The following PRRC2B variants were observed in gnomAD, a reference collection of about 807,000 sequenced individuals.
PRRC2B encodes the protein proline rich coiled-coil 2B.
A neutral mutation model predicts 242.3 loss-of-function variants in PRRC2B; 68 were observed. The observed-to-expected ratio is 0.28, with a 90% CI of 0.23 to 0.34. PRRC2B has a LOEUF of 0.34. PRRC2B is among the 10% of genes least tolerant of loss of function. The pLI, the probability that PRRC2B is intolerant of heterozygous loss-of-function variation, is 1.00. For missense variants in PRRC2B, 2,835 were observed against 2,954.8 expected (o/e 0.96, Z 0.94); for synonymous variants, 1,228 against 1,173.6 (o/e 1.05, Z -0.95).
intron 22 of PRRC2B, among the ~76,000 whole-genome samples, 181 bp from the exon 23 acceptor site, chr9:131,483,178 C>G (rs1178989059): frequency 1.3e-5 from 2 of 152,190 alleles, no homozygotes; most frequent in Admixed American, 6.5e-5. Flanking sequence ...AGAAGTGAGG[C>G]TGGCGTCCTG....
At chr9:131,438,082 C>T (rs1838433388) in intron 4 of PRRC2B, among the ~76,000 whole-genome samples, 1 of 152,180 alleles carries the variant, frequency 6.6e-6, no homozygotes, top group African/African-American at 2.4e-5. Flanking sequence ...ATGTGAGGGG[C>T]AGGTAAGAAG....
chr9:131,414,577 T>G (rs1330382948), intron 1 of PRRC2B, among the ~76,000 whole-genome samples: 1 of 149,870 alleles, frequency 6.7e-6, no homozygotes, highest in Non-Finnish European at 1.5e-5. Flanking sequence ...CTTGGGCTTT[T>G]TTTTTTTTTG....
intron 1 of PRRC2B, among the ~76,000 whole-genome samples, chr9:131,421,290 A>G (rs1346264545): frequency 6.6e-6 from 1 of 152,216 alleles, no homozygotes; most frequent in Non-Finnish European, 1.5e-5. Context: ...GAGTATTTGA[A>G]GTAGGTGAGG....
At position 131,476,285 on chromosome 9, in the gene PRRC2B, C is replaced by T. The variant is rs1345202148; in HGVS notation, c.4156C>T (p.Arg1386Trp). The T allele has an allele frequency of 9.5e-6, 15 of 1,583,614 alleles. No homozygotes were observed. Among genetic ancestry groups the T allele is most frequent in the South Asian group, 1.1e-5 (1 of 87,642 alleles). Residue 1386 changes from arginine (R) to tryptophan (W), a missense_variant, in exon 16 of 32, where the codon CGG (arginine) becomes TGG (tryptophan). Transcript: ENST00000683519. ...CTCCGAAAGCAGCGACTTCAGCGAG[C>T]GGCGGGAGCGGCGGGAAGGCCCTGG... ...TASESSDFSE[R>W]RERREGPGSE...
chr9:131,430,201 G>C lies in PRRC2B; in HGVS notation c.57G>C (p.Ser19=), dbSNP rs761892321. The change falls in exon 2 of 32, where the codon TCG becomes TCC. Residue 19 remains serine (S), a synonymous_variant. Coordinates refer to ENST00000683519, the MANE Select transcript of PRRC2B (RefSeq NM_013318.4). ...GCAAGGATGGGAAAAGCAAGTACTC[G>C]ACTCTCAGCCTGTTTGATAAGTATA... ...TKGKDGKSKY[S]TLSLFDKYKG... 1.2e-6 allele frequency: 2 copies of C among 1,608,144 alleles called. No homozygotes were observed. The highest frequency in any genetic ancestry group is 1.7e-5 in the Admixed American group (1 of 59,222).
upstream of PRRC2B, chr9:131,394,028 G>C (rs1408610400): frequency 1.3e-5 from 2 of 150,446 alleles, no homozygotes; most frequent in Non-Finnish European, 3.0e-5. Flanking sequence ...AGGAGGACGA[G>C]GAGGCGGGGG....
intron 6 of PRRC2B, among the ~76,000 whole-genome samples, chr9:131,445,368 A>G (rs1195360374): frequency 6.6e-6 from 1 of 152,136 alleles, no homozygotes; most frequent in African/African-American, 2.4e-5. Flanking sequence ...CATGTTGGTC[A>G]GGCTGGCCTT....
At chr9:131,436,573 A>G in intron 3 of PRRC2B, 47 bp from the exon 4 acceptor site, 1 of 1,491,314 alleles carries the variant, frequency 6.7e-7, no homozygotes, top group Non-Finnish European at 9.3e-7. Flanking sequence ...AGACCTGGCC[A>G]GCGCACTCTG....
chr9:131,477,718 T>G (rs753356527), intron 16 of PRRC2B, 26 bp from the exon 17 acceptor site: 1 of 1,479,086 alleles, frequency 6.8e-7, no homozygotes, highest in African/African-American at 1.4e-5. Context: ...CCAGCTCTGG[T>G]TAACAAGATC....
rs1434396774 is a variant in PRRC2B at position 131,487,844 on chromosome 9, TG to T, written c.5985-10del. 6.3e-7 allele frequency: 1 copy of T among 1,599,988 alleles called. No homozygotes were observed. Among genetic ancestry groups the T allele is most frequent in the South Asian group, 1.1e-5 (1 of 90,600 alleles). On this transcript the variant is annotated splice_polypyrimidine_tract_variant and intron_variant, in intron 27 of 31. Coordinates refer to ENST00000683519, the MANE Select transcript of PRRC2B (RefSeq NM_013318.4). This position sits in a 1 kb window ranked among gnomAD's most constrained non-coding sequence, Gnocchi z 5.3. ...ATCCACCTGATCCCGACCATCTGTC[TG>T]GCTTTTGCAGATCTCAGGTGTACAT...
chr9:131,495,814 G>A lies in PRRC2B; in HGVS notation c.6630G>A (p.Gln2210=), dbSNP rs762080999. The A allele has an allele frequency of 6.2e-7, 1 of 1,613,352 alleles. No individual in the cohort carries two copies. Among genetic ancestry groups the A allele is most frequent in the Admixed American group, 1.7e-5 (1 of 60,028 alleles). The change falls in exon 32 of 32, where the codon CAG becomes CAA. Residue 2210 remains glutamine (Q), a synonymous_variant. Transcript: ENST00000683519. ...AGGAGGCCCCCTCGGCTGCCTCCCA[G>A]ATGAAGCGAACCGGAGCGATCAAGC... ...KLQEAPSAAS[Q]MKRTGAIKPR...
intron 19 of PRRC2B, 49 bp from the exon 20 acceptor site, chr9:131,481,677 T>C (rs1476338754): frequency 7.7e-6 from 11 of 1,426,480 alleles, no homozygotes; most frequent in South Asian, 1.2e-5. Context: ...ATAAACTCTC[T>C]AGACGGGTTG....
At chr9:131,400,492 A>G (rs1837199792) in intron 1 of PRRC2B, among the ~76,000 whole-genome samples, 1 of 151,668 alleles carries the variant, frequency 6.6e-6, no homozygotes, top group African/African-American at 2.4e-5. Flanking sequence ...TACTTTTTGT[A>G]TTTTTAGTAG....
intron 1 of PRRC2B, among the ~76,000 whole-genome samples, chr9:131,411,230 C>T (rs1837497406): frequency 6.6e-6 from 1 of 151,972 alleles, no homozygotes; most frequent in South Asian, 2.1e-4. Context: ...GTACTCCAGC[C>T]TGGGTGACAG....
intron 29 of PRRC2B, 86 bp downstream of exon 29, chr9:131,491,666 T>A (rs1944199357): frequency 2.3e-6 from 3 of 1,294,262 alleles, no homozygotes; most frequent in African/African-American, 3.0e-5. Flanking sequence ...CCCTGTGTGG[T>A]AGAAAGAGCC....
Position 131,475,415 on chromosome 9 carries a change from G to T in PRRC2B, c.3286G>T (p.Ala1096Ser), listed in dbSNP as rs575672835. The T allele has an allele frequency of 1.1e-5, 17 of 1,577,326 alleles. No individual in the cohort carries two copies. Among genetic ancestry groups the T allele is most frequent in the Non-Finnish European group, 1.5e-5 (17 of 1,163,074 alleles). ...CCTCTGTGGTGGGGGGGTCCTGGGG[G>T]CCCGCAGCATCTACTGCAGCAGTCA... ...SGLCGGGVLG[A>S]RSIYCSSQRS... Residue 1096 changes from alanine (A) to serine (S), a missense_variant, in exon 16 of 32, where the codon GCC (alanine) becomes TCC (serine). Physicochemically the swap from Ala to Ser is moderately conservative, Grantham distance 99. Around this residue, in one of 7 missense-constraint regions of PRRC2B, gnomAD observed 1,536 missense variants for 1,483.1 expected, o/e 1.04. Transcript: ENST00000683519.
In PRRC2B at chr9:131,446,716, A is replaced by C; in HGVS notation, c.855+74A>C. ...TCCAGCAGATAGGTCAAGTGGTTGA[A>C]TGTCCCCCTTGGGGTCTCCTCTTGG... On this transcript the variant is annotated intron_variant, in intron 7 of 31. Transcript: ENST00000683519. The surrounding 1 kb of genome is among the most constrained non-coding windows in gnomAD (Gnocchi z 4.1). The C allele has an allele frequency of 1.9e-6, 3 of 1,552,050 alleles. No homozygotes were observed. In the East Asian group the frequency reaches 6.8e-5, roughly 35 times the overall value.
intron 10 of PRRC2B, among the ~76,000 whole-genome samples, chr9:131,456,772 C>CT (rs1362570727): frequency 6.6e-6 from 1 of 152,174 alleles, no homozygotes; most frequent in Non-Finnish European, 1.5e-5. Flanking sequence ...CACCACTGCA[C>CT]TCCAGCCTGA....
chr9:131,420,485 C>CTTTCTTTTCTTTCTTTCT (rs1837792952), intron 1 of PRRC2B, among the ~76,000 whole-genome samples: 2 of 15,750 alleles, frequency 1.3e-4, no homozygotes, highest in African/African-American at 1.6e-4. Context: ...TTCTTTCTTT[C>CTTTCTTTTCTTTCTTTCT]TTTCTTTCTT....
Sources: allele counts gnomAD v4.1 joint callset (sites outside exome capture counted in the v4.1 genomes callset), GRCh38; gene constraint gnomAD v4.1.1; regional missense constraint gnomAD v4.1.1; non-coding constraint Gnocchi (gnomAD v3.1); transcripts MANE v1.5; gene names NCBI Gene and HGNC (gene_info 2026-07-23, HGNC 2026-07-21).